Variants in RAD51B observed in about 807,000 individuals in gnomAD.
RAD51B encodes RAD51 paralog B.
Under a neutral mutation model 42.2 loss-of-function variants are expected in RAD51B, and 38 were observed. The observed-to-expected ratio is 0.90, with a 90% CI of 0.70 to 1.18. The LOEUF is 1.18. Among genes scored for constraint, RAD51B ranks in the 50% most tolerant of loss-of-function variants. RAD51B has a pLI of 0.00. For synonymous variants in RAD51B, 154 were observed against 145.2 expected, an observed-to-expected ratio of 1.06 and a Z score of -0.43; for missense variants, 373 against 400.7, an observed-to-expected ratio of 0.93 and a Z score of 0.59.
intron 7 of RAD51B, among the ~76,000 whole-genome samples, chr14:67,931,763 A>T (rs1245978907): frequency 6.6e-6 from 1 of 152,132 alleles, no homozygotes; most frequent in African/African-American, 2.4e-5. Flanking sequence ...TTGGCCTCCC[A>T]AAGTGCTGGG....
chr14:67,842,235 A>AT (rs1166060224), intron 4 of RAD51B, among the ~76,000 whole-genome samples: 1 of 152,112 alleles, frequency 6.6e-6, no homozygotes, highest in Admixed American at 6.6e-5. Flanking sequence ...TTGTGCATTG[A>AT]TTTTGTAGCC....
At chr14:68,151,507 C>G (rs2078378253) in intron 7 of RAD51B, among the ~76,000 whole-genome samples, 1 of 152,008 alleles carries the variant, frequency 6.6e-6, no homozygotes, top group Non-Finnish European at 1.5e-5. Flanking sequence ...TCTTCTCTCT[C>G]TACCTTCTCA....
intron 11 of RAD51B, among the ~76,000 whole-genome samples, chr14:68,651,528 G>A (rs1595047340): frequency 6.6e-6 from 1 of 152,156 alleles, no homozygotes; most frequent in Non-Finnish European, 1.5e-5. Flanking sequence ...CAGAAGGATG[G>A]GTTTTGTTCT....
intron 9 of RAD51B, among the ~76,000 whole-genome samples, chr14:68,445,426 T>G (rs555901522): frequency 2.0e-5 from 3 of 152,336 alleles, no homozygotes; most frequent in African/African-American, 4.8e-5. Context: ...CTTGACCATT[T>G]GCTAAGTACT....
At chr14:68,369,308 T>C (rs2083204585) in intron 8 of RAD51B, among the ~76,000 whole-genome samples, 1 of 152,252 alleles carries the variant, frequency 6.6e-6, no homozygotes, top group African/African-American at 2.4e-5. Context: ...ATCAGGATCT[T>C]GTTGGTGCTG....
chr14:68,376,690 G>C (rs2083377074), intron 8 of RAD51B, among the ~76,000 whole-genome samples: 1 of 152,218 alleles, frequency 6.6e-6, no homozygotes, highest in Non-Finnish European at 1.5e-5. Context: ...AGCTCCTGGG[G>C]ACTGTCAGAG....
At chr14:68,356,505 T>A (rs904786940) in intron 8 of RAD51B, among the ~76,000 whole-genome samples, 9 of 151,030 alleles carry the variant, frequency 6.0e-5, no homozygotes, top group East Asian at 3.9e-4. Context: ...TTATATTTTT[T>A]AAAAACAATA....
intron 8 of RAD51B, among the ~76,000 whole-genome samples, chr14:68,319,515 C>G (rs2139758766): frequency 6.6e-6 from 1 of 152,280 alleles, no homozygotes; most frequent in East Asian, 1.9e-4. Context: ...AAAATAGAAT[C>G]AAGTCCAGTC....
intron 8 of RAD51B, among the ~76,000 whole-genome samples, chr14:68,345,583 GC>G (rs2082661302): frequency 6.6e-6 from 1 of 152,086 alleles, no homozygotes; most frequent in South Asian, 2.1e-4. Flanking sequence ...CAGAAGCTGA[GC>G]AGATGCCAGC....
intron 7 of RAD51B, among the ~76,000 whole-genome samples, chr14:68,008,001 G>A (rs1038709346): frequency 4.0e-5 from 6 of 151,778 alleles, no homozygotes; most frequent in Admixed American, 2.6e-4. Flanking sequence ...TTTTTTTTGT[G>A]GGTGAGTATG....
intron 5 of RAD51B, among the ~76,000 whole-genome samples, chr14:67,880,798 T>C (rs1464186016): frequency 6.6e-6 from 1 of 152,214 alleles, no homozygotes; most frequent in Non-Finnish European, 1.5e-5. Context: ...ACATATGTTT[T>C]TCAAGAGTGT....
chr14:68,034,098 G>A (rs1262931919), intron 7 of RAD51B, among the ~76,000 whole-genome samples: 1 of 152,060 alleles, frequency 6.6e-6, no homozygotes, highest in Admixed American at 6.5e-5. Context: ...TAGCTTTGGG[G>A]GGGATTTTGT....
chr14:68,348,162 GA>G (rs2082710938), intron 8 of RAD51B, among the ~76,000 whole-genome samples: 1 of 152,176 alleles, frequency 6.6e-6, no homozygotes. Context: ...TAATGTCACT[GA>G]AACTAATATG....
intron 8 of RAD51B, among the ~76,000 whole-genome samples, chr14:68,397,674 G>C (rs1054126107): frequency 6.6e-6 from 1 of 151,458 alleles, no homozygotes; most frequent in Non-Finnish European, 1.5e-5. Context: ...GACACCCCTC[G>C]TGTGTGTGTG....
chr14:67,904,658 C>T (rs1194231313), intron 7 of RAD51B, among the ~76,000 whole-genome samples: 2 of 151,660 alleles, frequency 1.3e-5, no homozygotes, highest in Non-Finnish European at 2.9e-5. Context: ...AGCATGCCAC[C>T]ACACCCAGCT....
intron 4 of RAD51B, among the ~76,000 whole-genome samples, chr14:67,846,610 C>T (rs80219062): frequency 0.021 from 3,162 of 152,168 alleles, 90 homozygotes; most frequent in African/African-American, 0.063. Flanking sequence ...GCATTATCTG[C>T]CAGTGAAGGA....
downstream of RAD51B, among the ~76,000 whole-genome samples, chr14:68,613,669 T>C (rs185594749): frequency 2.0e-5 from 3 of 151,934 alleles, no homozygotes; most frequent in Non-Finnish European, 4.4e-5. Context: ...TTAGCCAGGA[T>C]GGTCTCGATC....
intron 5 of RAD51B, among the ~76,000 whole-genome samples, chr14:67,875,003 G>T (rs1245119849): frequency 1.3e-5 from 2 of 152,134 alleles, no homozygotes; most frequent in Admixed American, 1.3e-4. Flanking sequence ...TTGGGTCTTA[G>T]AACTGCAAAT....
chr14:68,629,289 A>G (rs1892170480), intron 10 of RAD51B, among the ~76,000 whole-genome samples: 1 of 152,174 alleles, frequency 6.6e-6, no homozygotes, highest in Non-Finnish European at 1.5e-5. Context: ...TTCCCAGCTC[A>G]GGTGTTTACC....
Sources: gnomAD v4.1 joint callset for allele counts (sites outside exome capture counted in the v4.1 genomes callset) on GRCh38, gnomAD v4.1.1 for gene constraint, MANE v1.5 for transcripts, NCBI Gene and HGNC (gene_info 2026-07-23, HGNC 2026-07-21) for gene names.